ADAMTSL1: variants seen among roughly 807,000 people sequenced by gnomAD.
ADAMTSL1 encodes the protein ADAMTS like 1.
ADAMTSL1 carries 126 observed loss-of-function variants against 201.8 expected under a neutral mutation model. The ratio of observed to expected loss-of-function variants is 0.62; its 90% CI spans 0.54 to 0.72. The LOEUF is 0.72. Ranked by LOEUF, ADAMTSL1 falls within the 30% of genes least tolerant of loss-of-function variation. The pLI, the probability that ADAMTSL1 is intolerant of heterozygous loss-of-function variation, is 0.00. For missense variants in ADAMTSL1, 2,679 were observed against 2,277.8 expected (o/e 1.18, Z -3.59); for synonymous variants, 1,121 against 903.4 (o/e 1.24, Z -4.32).
chr9:18,879,560 T>C (rs1463769356), intron 23 of ADAMTSL1, among the ~76,000 whole-genome samples: 1 of 152,248 alleles, frequency 6.6e-6, no homozygotes, highest in Non-Finnish European at 1.5e-5. Context: ...GTAAAAGTTA[T>C]GTTTACACTA....
chr9:18,448,027 TTCTCTC>T (rs10557934), intron 2 of ADAMTSL1, among the ~76,000 whole-genome samples: 13 of 149,758 alleles, frequency 8.7e-5, no homozygotes, highest in African/African-American at 1.2e-4. Context: ...CTCTCGCTCT[TTCTCTC>T]TCTCTCTCTC....
In ADAMTSL1 at chr9:18,343,937, G is replaced by A. The variant is rs1835583646; in HGVS notation, c.208-160892G>A. ...AAGCAGAGTTTATGATTCCGCCTAT[G>A]CAAATCTCTCCTGAGGCCCAGGAGA... is the stretch of plus-strand genomic sequence containing the variant. On this transcript the variant is annotated intron_variant, in intron 2 of 29. Coordinates refer to the ADAMTSL1 transcript ENST00000680146. Among the ~76,000 whole-genome samples, 3 of 152,076 alleles carry A rather than the reference G, an allele frequency of 2.0e-5. No individual in the cohort carries two copies. The South Asian group carries it at 6.2e-4, about 32-fold the overall frequency.
intron 1 of ADAMTSL1, among the ~76,000 whole-genome samples, chr9:18,105,437 A>G (rs1824714066): frequency 6.6e-6 from 1 of 152,170 alleles, no homozygotes; most frequent in Admixed American, 6.6e-5. Flanking sequence ...TATGCATTTT[A>G]TTGTTTTACT....
intron 14 of ADAMTSL1, chr9:18,718,673 G>T (rs1047755888): frequency 2.9e-6 from 1 of 347,814 alleles, no homozygotes; most frequent in Non-Finnish European, 5.7e-6. Flanking sequence ...ACCTGACTCT[G>T]GGCGAGGTTT....
chr9:17,919,276 C>G (rs1249265071), intron 1 of ADAMTSL1, among the ~76,000 whole-genome samples: 1 of 151,030 alleles, frequency 6.6e-6, no homozygotes, highest in Non-Finnish European at 1.5e-5. Context: ...AAAAAAAAAG[C>G]TTTATTGAGA....
At chr9:18,736,637 T>C (rs1328994394) in intron 15 of ADAMTSL1, among the ~76,000 whole-genome samples, 1 of 152,222 alleles carries the variant, frequency 6.6e-6, no homozygotes, top group Non-Finnish European at 1.5e-5. Flanking sequence ...GGTAGACTAC[T>C]TTTTACCACA....
intron 15 of ADAMTSL1, among the ~76,000 whole-genome samples, chr9:18,730,862 G>C (rs1413016407): frequency 6.6e-6 from 1 of 152,184 alleles, no homozygotes; most frequent in Non-Finnish European, 1.5e-5. Flanking sequence ...TCACTGAGTG[G>C]ATAGACACAG....
intron 7 of ADAMTSL1, among the ~76,000 whole-genome samples, chr9:18,648,061 C>A (rs2132880641): frequency 6.8e-6 from 1 of 148,002 alleles, no homozygotes; most frequent in South Asian, 2.2e-4. Flanking sequence ...CTTTATGAAT[C>A]TGGGTGCTCC....
intron 1 of ADAMTSL1, among the ~76,000 whole-genome samples, chr9:18,147,241 C>G (rs1826684869): frequency 6.6e-6 from 1 of 151,900 alleles, no homozygotes; most frequent in African/African-American, 2.4e-5. Flanking sequence ...CTATAGAAAA[C>G]CTAGACTAAT....
intron 25 of ADAMTSL1, among the ~76,000 whole-genome samples, chr9:18,890,302 G>T (rs1314059891): frequency 6.6e-6 from 1 of 152,116 alleles, no homozygotes; most frequent in Non-Finnish European, 1.5e-5. Flanking sequence ...CTGCATTTGG[G>T]TCCCTTGTGT....
intron 1 of ADAMTSL1, among the ~76,000 whole-genome samples, chr9:18,036,613 C>G (rs910242697): frequency 2.6e-5 from 4 of 152,062 alleles, no homozygotes; most frequent in African/African-American, 9.7e-5. Context: ...CACATTTTAG[C>G]GTTAATCTCC....
intron 23 of ADAMTSL1, among the ~76,000 whole-genome samples, chr9:18,856,285 C>G (rs1470091814): frequency 6.6e-6 from 1 of 152,038 alleles, no homozygotes; most frequent in Non-Finnish European, 1.5e-5. Context: ...ATCTAAACAT[C>G]TTTTATACAA....
chr9:18,410,111 A>G (rs140952301), intron 2 of ADAMTSL1, among the ~76,000 whole-genome samples: 48 of 152,174 alleles, frequency 3.2e-4, no homozygotes, highest in African/African-American at 1.1e-3. Context: ...TCCTTAGTTT[A>G]AATATTTTAT....
intron 5 of ADAMTSL1, among the ~76,000 whole-genome samples, chr9:18,626,310 T>C (rs772621979): frequency 3.3e-5 from 5 of 152,216 alleles, no homozygotes; most frequent in Non-Finnish European, 7.3e-5. Flanking sequence ...CCACAGGTGA[T>C]GCAGGGGAGC....
At chr9:18,040,945 T>G (rs1821402290) in intron 1 of ADAMTSL1, among the ~76,000 whole-genome samples, 1 of 152,176 alleles carries the variant, frequency 6.6e-6, no homozygotes, top group Non-Finnish European at 1.5e-5. Context: ...CCAATTGGTT[T>G]TAAAAAATAT....
At chr9:18,615,504 G>A (rs1825646803) in intron 4 of ADAMTSL1, among the ~76,000 whole-genome samples, 1 of 152,108 alleles carries the variant, frequency 6.6e-6, no homozygotes, top group African/African-American at 2.4e-5. Context: ...ACTCACTATT[G>A]CCATATAAAT....
chr9:18,867,538 C>G (rs923104748), intron 23 of ADAMTSL1, among the ~76,000 whole-genome samples: 3 of 152,234 alleles, frequency 2.0e-5, no homozygotes, highest in Non-Finnish European at 4.4e-5. Flanking sequence ...TCACCACCTT[C>G]TGCCATTCTT....
intron 23 of ADAMTSL1, among the ~76,000 whole-genome samples, chr9:18,854,584 A>C (rs920345582): frequency 1.3e-5 from 2 of 152,208 alleles, no homozygotes; most frequent in Non-Finnish European, 2.9e-5. Flanking sequence ...CTATTCAAGA[A>C]TAGATGAATA....
chr9:18,853,117 T>C (rs1215880757), intron 23 of ADAMTSL1, among the ~76,000 whole-genome samples: 1 of 152,116 alleles, frequency 6.6e-6, no homozygotes, highest in Admixed American at 6.6e-5. Flanking sequence ...AATGACCTCA[T>C]GGCATCTGAG....
Sources: gnomAD v4.1 joint callset for allele counts (sites outside exome capture counted in the v4.1 genomes callset) on GRCh38, gnomAD v4.1.1 for gene constraint, MANE v1.5 for transcripts, NCBI Gene and HGNC (gene_info 2026-07-23, HGNC 2026-07-21) for gene names.